The following ZDHHC7 variants were observed in gnomAD, a reference collection of about 807,000 sequenced individuals.
The protein encoded by ZDHHC7 is zDHHC palmitoyltransferase 7, also known as palmitoyltransferase ZDHHC7.
Under a neutral mutation model 34.1 loss-of-function variants are expected in ZDHHC7, and 12 were observed. The ratio of observed to expected loss-of-function variants is 0.35; its 90% CI spans 0.23 to 0.57. The LOEUF (loss-of-function observed/expected upper bound fraction) is 0.57, where lower values mean the gene tolerates loss of function less well. Ranked by LOEUF, ZDHHC7 falls within the 20% of genes least tolerant of loss-of-function variation. The pLI is 0.84. For synonymous variants in ZDHHC7, 185 were observed against 155.4 expected (o/e 1.19, Z -1.42); for missense variants, 388 against 402.7 (o/e 0.96, Z 0.31).
chr16:84,994,647 G>C (rs372536683), intron 2 of ZDHHC7, among the ~76,000 whole-genome samples: 3 of 152,186 alleles, frequency 2.0e-5, no homozygotes, highest in East Asian at 3.9e-4. Context: ...GCCTGACCTG[G>C]GGGTGCGGAT....
intron 7 of ZDHHC7, among the ~76,000 whole-genome samples, chr16:84,976,730 A>G (rs189164484): frequency 6.6e-6 from 1 of 152,292 alleles, no homozygotes; most frequent in African/African-American, 2.4e-5. Context: ...GACTACCACA[A>G]TGGCCCTCCC....
At chr16:85,025,074 C>T in the ZDHHC7 span, among the ~76,000 whole-genome samples, 2 of 151,968 alleles carry the variant, frequency 1.3e-5, no homozygotes, top group Admixed American at 6.6e-5. Context: ...GCCAGCAGTT[C>T]GAGACCAGCC....
intron 3 of ZDHHC7, among the ~76,000 whole-genome samples, chr16:84,987,073 G>A (rs1236610359): frequency 6.6e-6 from 1 of 152,222 alleles, no homozygotes; most frequent in Non-Finnish European, 1.5e-5. Context: ...AGGACTCAGA[G>A]AGACAGACAA....
chr16:84,989,018 G>A (rs962113894), intron 3 of ZDHHC7: 20 of 791,360 alleles, frequency 2.5e-5, no homozygotes, highest in African/African-American at 1.2e-4. Context: ...GAGACACACA[G>A]GGATCAGGAG....
chr16:85,018,788 G>C, the ZDHHC7 span, among the ~76,000 whole-genome samples: 1 of 152,026 alleles, frequency 6.6e-6, no homozygotes, highest in African/African-American at 2.4e-5. Flanking sequence ...GGCAGGGAGA[G>C]AGAGAAACTC....
At chr16:84,982,040 A>G in intron 3 of ZDHHC7, 46 bp from the exon 4 acceptor site, 2 of 1,590,178 alleles carry the variant, frequency 1.3e-6, no homozygotes, top group Non-Finnish European at 1.7e-6. Context: ...AATGAAAGTT[A>G]AAAACATCAG....
chr16:84,988,617 G>C (rs2072467930), intron 3 of ZDHHC7: 3 of 709,876 alleles, frequency 4.2e-6, no homozygotes, highest in African/African-American at 3.5e-5. Flanking sequence ...CAGGAGCGGG[G>C]TGGGAGCAGA....
At chr16:85,027,119 T>C in the ZDHHC7 span, among the ~76,000 whole-genome samples, 1 of 152,236 alleles carries the variant, frequency 6.6e-6, no homozygotes, top group South Asian at 2.1e-4. Context: ...GCCTAGAATT[T>C]ATGGAGCAGC....
intron 3 of ZDHHC7, among the ~76,000 whole-genome samples, chr16:84,983,980 A>T (rs1372053960): frequency 3.0e-4 from 39 of 128,244 alleles, no homozygotes; most frequent in Admixed American, 5.6e-4. Flanking sequence ...AAAAAAAAAA[A>T]TTTTTACTTA....
At chr16:85,027,572 G>C in the ZDHHC7 span, among the ~76,000 whole-genome samples, 2 of 152,354 alleles carry the variant, frequency 1.3e-5, no homozygotes, top group East Asian at 3.9e-4. Context: ...GAGCCAGCAA[G>C]GGGGCGCCGG....
At chr16:84,984,357 G>A (rs2072409881) in intron 3 of ZDHHC7, among the ~76,000 whole-genome samples, 1 of 152,074 alleles carries the variant, frequency 6.6e-6, no homozygotes, top group South Asian at 2.1e-4. Flanking sequence ...ACAATCTAGG[G>A]ATCTTAACAC....
chr16:84,981,747 A>G, intron 4 of ZDHHC7, 123 bp downstream of exon 4: 2 of 1,520,504 alleles, frequency 1.3e-6, no homozygotes, highest in Non-Finnish European at 1.8e-6. Flanking sequence ...CCCCGCCCGT[A>G]CAACGTTGCC....
Position 84,975,378 on chromosome 16 carries a change from A to C in ZDHHC7, c.*965T>G, listed in dbSNP as rs945214016. ...CCACACACAGCATCGGGCTGCCCCAAGTATCAAGTCACCGAGCCGCAGCTC... is the reference window on the plus strand; with the variant it reads ...CCACACACAGCATCGGGCTGCCCCACGTATCAAGTCACCGAGCCGCAGCTC... On this transcript the variant is annotated 3_prime_UTR_variant, in exon 8 of 8. Coordinates refer to ENST00000313732, the MANE Select transcript of ZDHHC7 (RefSeq NM_017740.3). The C allele has an allele frequency of 6.6e-6, 1 of 152,442 alleles. No individual in the cohort carries two copies. The highest frequency in any genetic ancestry group is 2.1e-4 in the South Asian group (1 of 4,828). 9.4% of individuals were successfully genotyped at this position (152,442 alleles called of 1,614,324 possible).
intron 5 of ZDHHC7, chr16:84,978,251 T>G (rs1369159688): frequency 3.0e-6 from 1 of 335,560 alleles, no homozygotes; most frequent in African/African-American, 2.2e-5. Context: ...CAGGCTGGTC[T>G]GTAACTGCTG....
chr16:85,009,573 A>G (rs2072761462), intron 1 of ZDHHC7, among the ~76,000 whole-genome samples: 1 of 150,832 alleles, frequency 6.6e-6, no homozygotes, highest in Admixed American at 6.6e-5. Context: ...TTCAACTCTC[A>G]AATCAGAAGC....
chr16:84,994,341 G>T (rs3848248), intron 2 of ZDHHC7, among the ~76,000 whole-genome samples: 1 of 152,164 alleles, frequency 6.6e-6, no homozygotes, highest in African/African-American at 2.4e-5. Flanking sequence ...TGTGGGCCCA[G>T]GTACATCAAG....
Position 85,011,488 on chromosome 16 carries a change from C to G in ZDHHC7, c.-306G>C, listed in dbSNP as rs979844964. On this transcript the variant is annotated 5_prime_UTR_variant, in exon 1 of 8. Transcript: ENST00000313732. ...GGAGGCTGCAGCCAAGCAAATGCCT[C>G]AGCCCGGAGCCTTGGCTGGAGAGCG... 1.3e-5 allele frequency: 2 copies of G among 152,214 alleles called. No individual in the cohort carries two copies. Among genetic ancestry groups the G allele is most frequent in the East Asian group, 3.9e-4 (2 of 5,192 alleles). The allele number at this position is 152,214 out of a possible 1,614,324, so 9.4% of individuals were successfully genotyped here. A position where few individuals can be genotyped will look rare whatever the true frequency, so the allele number is the denominator to read the frequency against.
intron 1 of ZDHHC7, among the ~76,000 whole-genome samples, chr16:85,008,501 C>CA (rs1429811495): frequency 7.6e-6 from 1 of 131,296 alleles, no homozygotes; most frequent in African/African-American, 3.4e-5. Context: ...CCACCACCTA[C>CA]ACCCCCCCCC....
chr16:84,982,041 A>C (rs1567493728), intron 3 of ZDHHC7, 47 bp from the exon 4 acceptor site: 1 of 1,608,946 alleles, frequency 6.2e-7, no homozygotes, highest in Middle Eastern at 1.7e-4. Context: ...ATGAAAGTTA[A>C]AAACATCAGG....
Sources: gnomAD v4.1 joint callset for allele counts (sites outside exome capture counted in the v4.1 genomes callset) on GRCh38, gnomAD v4.1.1 for gene constraint, MANE v1.5 for transcripts, NCBI Gene and HGNC (gene_info 2026-07-23, HGNC 2026-07-21) for gene names.